GPR89A: variants seen among roughly 807,000 people sequenced by gnomAD.
GPR89A encodes the protein golgi pH regulator A, also known as G protein-coupled receptor 89A.
A neutral mutation model predicts 52.0 loss-of-function variants in GPR89A; 16 were observed. The observed-to-expected ratio is 0.31, with a 90% CI of 0.21 to 0.47. The LOEUF (loss-of-function observed/expected upper bound fraction) is 0.47. Among genes scored for constraint, GPR89A ranks in the 20% least tolerant of loss-of-function variants. The probability of loss-of-function intolerance (pLI) is 1.00; values close to 1 mark genes in which losing one functional copy is unlikely to be tolerated. For missense variants in GPR89A, 135 were observed against 449.4 expected (o/e 0.30, Z 6.33); for synonymous variants, 55 against 150.9 (o/e 0.36, Z 4.66).
intron 2 of GPR89A, among the ~76,000 whole-genome samples, chr1:145,617,294 C>T (rs1444934594): frequency 1.3e-5 from 2 of 152,168 alleles, no homozygotes; most frequent in African/African-American, 4.8e-5. Context: ...CTGCCCAACC[C>T]CGCAAGCAGT....
In GPR89A at chr1:145,623,166, T is replaced by A. The variant is rs782170078; in HGVS notation, c.313+6T>A. 8 of 1,613,254 alleles carry A rather than the reference T, an allele frequency of 5.0e-6. No homozygotes were observed. In the Admixed American group the frequency reaches 1.3e-4, roughly 27 times the overall value. ...TGTGAGCAATATCCGACTACGTAAG[T>A]ATTTTACCCTCTCAGTCAGCATATA... On this transcript the variant is annotated splice_donor_region_variant and intron_variant, in intron 4 of 13. Transcript: ENST00000313835.
chr1:145,668,244 T>C (rs1254195139), intron 12 of GPR89A, among the ~76,000 whole-genome samples: 5 of 152,138 alleles, frequency 3.3e-5, no homozygotes, highest in African/African-American at 4.8e-5. Context: ...TCTTTTATTT[T>C]GTTGAGCAGT....
intron 3 of GPR89A, among the ~76,000 whole-genome samples, chr1:145,621,689 C>G (rs1368767386): frequency 6.6e-6 from 1 of 151,652 alleles, no homozygotes; most frequent in Non-Finnish European, 1.5e-5. Context: ...TGATAATGGA[C>G]TGGGACTCGT....
At chr1:145,620,019 AAATAAATAAAT>A (rs1210734070) in intron 3 of GPR89A, among the ~76,000 whole-genome samples, 4 of 150,594 alleles carry the variant, frequency 2.7e-5, no homozygotes, top group African/African-American at 1.0e-4. Context: ...CATCTCAAAA[AAATAAATAAAT>A]AAAAAATAAT....
At chr1:145,617,743 C>T (rs1178689769) in intron 2 of GPR89A, among the ~76,000 whole-genome samples, 3 of 152,022 alleles carry the variant, frequency 2.0e-5, no homozygotes, top group African/African-American at 2.4e-5. Flanking sequence ...TTATCTTAAG[C>T]TTTGGATTCA....
chr1:145,616,030 A>G (rs587615547), intron 1 of GPR89A, among the ~76,000 whole-genome samples: 4 of 151,292 alleles, frequency 2.6e-5, no homozygotes, highest in East Asian at 1.9e-4. Context: ...TGTAACATGG[A>G]TAACTTCAAA....
At chr1:145,609,700 G>C (rs1227340434) in intron 1 of GPR89A, among the ~76,000 whole-genome samples, 1 of 152,166 alleles carries the variant, frequency 6.6e-6, no homozygotes, top group Non-Finnish European at 1.5e-5. Flanking sequence ...TTGATACGTT[G>C]AACCGAGGAA....
At chr1:145,658,731 A>G (rs1444604455) in intron 10 of GPR89A, among the ~76,000 whole-genome samples, 2 of 151,136 alleles carry the variant, frequency 1.3e-5, no homozygotes, top group Admixed American at 6.6e-5. Context: ...GATTGTTTCT[A>G]CTTTTGGGCC....
chr1:145,634,437 T>A (rs1553690404), intron 7 of GPR89A, among the ~76,000 whole-genome samples: 1 of 151,298 alleles, frequency 6.6e-6, no homozygotes, highest in Non-Finnish European at 1.5e-5. Flanking sequence ...ATCTTTTACA[T>A]ATCTGACTTA....
intron 1 of GPR89A, among the ~76,000 whole-genome samples, chr1:145,615,123 G>C (rs181710903): frequency 4.6e-5 from 7 of 152,210 alleles, no homozygotes; most frequent in Non-Finnish European, 1.5e-5. Context: ...ATGTGGCTAC[G>C]GTCTCTGCCA....
intron 12 of GPR89A, among the ~76,000 whole-genome samples, chr1:145,666,469 T>A (rs1652555806): frequency 6.6e-6 from 1 of 152,134 alleles, no homozygotes; most frequent in Non-Finnish European, 1.5e-5. Flanking sequence ...AAAAATGTAG[T>A]TTTGTTATAC....
Position 145,608,039 on chromosome 1 carries a change from G to A in GPR89A, c.-95G>A. 1 of 1,482,292 alleles carries A rather than the reference G, an allele frequency of 6.7e-7. No homozygotes were observed. Among genetic ancestry groups the A allele is most frequent in the South Asian group, 1.2e-5 (1 of 86,440 alleles). The allele number at this position is 1,482,292 out of a possible 1,614,324, so 91.8% of individuals were successfully genotyped here. ...GCCGCAGTCCCGGCTGCAGCACCTG[G>A]GAGAAGGCAGACCGTGTGAGGGGGC... is the stretch of plus-strand genomic sequence containing the variant. On this transcript the variant is annotated 5_prime_UTR_variant, in exon 1 of 14. Transcript: ENST00000313835.
intron 10 of GPR89A, among the ~76,000 whole-genome samples, chr1:145,658,346 T>C (rs1316392564): frequency 6.8e-6 from 1 of 146,988 alleles, no homozygotes; most frequent in African/African-American, 2.5e-5. Flanking sequence ...GGCAGATGCC[T>C]GTAATCCCAA....
chr1:145,639,468 C>A (rs1299378259), intron 7 of GPR89A, among the ~76,000 whole-genome samples: 13 of 152,146 alleles, frequency 8.5e-5, no homozygotes, highest in African/African-American at 3.1e-4. Flanking sequence ...GACACATGGC[C>A]AGGCACAGTG....
At chr1:145,641,308 G>C (rs1202570900) in intron 7 of GPR89A, among the ~76,000 whole-genome samples, 1 of 151,890 alleles carries the variant, frequency 6.6e-6, no homozygotes, top group Non-Finnish European at 1.5e-5. Context: ...TAAAATTACA[G>C]AAATGGAGAA....
At chr1:145,616,507 A>G (rs1404230831) in intron 2 of GPR89A, among the ~76,000 whole-genome samples, 4 of 152,098 alleles carry the variant, frequency 2.6e-5, no homozygotes, top group Non-Finnish European at 5.9e-5. Flanking sequence ...GTTAGGAGCA[A>G]GGATTATGTC....
intron 10 of GPR89A, among the ~76,000 whole-genome samples, chr1:145,658,166 TG>T (rs201655742): frequency 3.2e-4 from 49 of 152,114 alleles, no homozygotes; most frequent in African/African-American, 1.1e-3. Flanking sequence ...ATAATGGGGT[TG>T]GGGGGGAGCT....
intron 1 of GPR89A, among the ~76,000 whole-genome samples, chr1:145,609,170 C>T (rs1648069608): frequency 6.6e-6 from 1 of 152,044 alleles, no homozygotes; most frequent in Non-Finnish European, 1.5e-5. Flanking sequence ...TTTACTTGTT[C>T]TTTCTCTCAA....
At chr1:145,641,724 T>C (rs1346151167) in intron 7 of GPR89A, among the ~76,000 whole-genome samples, 1 of 151,980 alleles carries the variant, frequency 6.6e-6, no homozygotes, top group East Asian at 1.9e-4. Flanking sequence ...TAGGAACTTT[T>C]AAATGACATT....
Sources: gnomAD v4.1 joint callset for allele counts (sites outside exome capture counted in the v4.1 genomes callset) on GRCh38, gnomAD v4.1.1 for gene constraint, MANE v1.5 for transcripts, NCBI Gene and HGNC (gene_info 2026-07-23, HGNC 2026-07-21) for gene names.